The following CELSR1 variants were observed in gnomAD, a reference collection of about 807,000 sequenced individuals.
The protein encoded by CELSR1 is adhesion G protein-coupled receptor C1.
A neutral mutation model predicts 249.1 loss-of-function variants in CELSR1; 110 were observed. The ratio of observed to expected loss-of-function variants is 0.44; its 90% CI spans 0.38 to 0.52. The LOEUF is 0.52. Among genes scored for constraint, CELSR1 ranks in the 20% least tolerant of loss-of-function variants. The pLI is 0.00. For synonymous variants in CELSR1, 2,113 were observed against 1,900.0 expected (o/e 1.11, Z -2.92); for missense variants, 4,109 against 4,296.4 (o/e 0.96, Z 1.22).
In CELSR1 at chr22:46,383,960, A is replaced by AT. The variant is rs563923943; in HGVS notation, c.6883+582dup. On this transcript the variant is annotated intron_variant, in intron 20 of 34. Transcript: ENST00000674500. ...CTGAAATGCTTGGGAACATTTTGGA[A>AT]TTTTTTTTTTTTGAGACGGAGTCTT... Among the ~76,000 whole-genome samples, 882 of 147,608 alleles carry AT rather than the reference A, an allele frequency of 6.0e-3. 9 individuals are homozygous for AT. Among genetic ancestry groups the AT allele is most frequent in the African/African-American group, 0.018 (728 of 40,416 alleles).
In CELSR1 at chr22:46,464,253, T is replaced by G; in HGVS notation, c.3637A>C (p.Asn1213His). 6.2e-7 allele frequency: 1 copy of G among 1,613,650 alleles called. No individual in the cohort carries two copies. Among genetic ancestry groups the G allele is most frequent in the Non-Finnish European group, 8.5e-7 (1 of 1,180,002 alleles). The change falls in exon 2 of 35, where the codon AAC (asparagine) becomes CAC (histidine). Residue 1213 changes from asparagine (N) to histidine (H), a missense_variant. Transcript: ENST00000674500. This position sits in a 1 kb window ranked among gnomAD's most constrained non-coding sequence, Gnocchi z 8.5. Reference sequence around the variant, plus strand: ...GACAGGAACTTCTCCTGGGACATGTTCTCCAGGCGGACAGTGATGCTGTTG... The same window carrying G: ...GACAGGAACTTCTCCTGGGACATGTGCTCCAGGCGGACAGTGATGCTGTTG... ...LTNSITVRLENMSQEKFLSPL... is the reference protein window; with the variant it reads ...LTNSITVRLEHMSQEKFLSPL...
intron 22 of CELSR1, among the ~76,000 whole-genome samples, chr22:46,379,356 A>G (rs1018387922): frequency 6.0e-5 from 9 of 151,020 alleles, no homozygotes; most frequent in Admixed American, 3.3e-4. Context: ...GAAAAATCAC[A>G]TAACCTCTCA....
chr22:46,375,575 A>C (rs1169154363), intron 24 of CELSR1, among the ~76,000 whole-genome samples: 12 of 118,194 alleles, frequency 1.0e-4, no homozygotes, highest in Admixed American at 2.1e-4. Context: ...ACAGGGTCTC[A>C]CTCTATTGTC....
intron 1 of CELSR1, among the ~76,000 whole-genome samples, chr22:46,479,371 C>T (rs992874206): frequency 2.0e-5 from 3 of 152,102 alleles, no homozygotes; most frequent in Non-Finnish European, 4.4e-5. Context: ...AGAAAGGCTG[C>T]GGCAGCTGCC....
chr22:46,437,362 G>T lies in CELSR1; in HGVS notation c.4407-1073C>A, dbSNP rs144085447. On this transcript the variant is annotated intron_variant, in intron 3 of 34. Transcript: ENST00000674500. The surrounding 1 kb of genome is among the most constrained non-coding windows in gnomAD (Gnocchi z 4.9). Reference sequence around the variant, plus strand: ...CTCCACCATCAGAGATACACGGCAGGAACTCCTTTTAACCTAAGGTTGGTT... The same window carrying T: ...CTCCACCATCAGAGATACACGGCAGTAACTCCTTTTAACCTAAGGTTGGTT... Among the ~76,000 whole-genome samples, 42 of 152,340 alleles carry T rather than the reference G, an allele frequency of 2.8e-4. No individual in the cohort carries two copies. The highest frequency in any genetic ancestry group is 4.7e-4 in the Non-Finnish European group (32 of 68,036).
Position 46,396,893 on chromosome 22 carries a change from A to G in CELSR1, c.5702-147T>C. ...GAGGAAGAGTGCCACAGAGTCCCCG[A>G]AAACACAGCGTTAGGCGGGTTAGAC... On this transcript the variant is annotated intron_variant, in intron 12 of 34. Coordinates refer to ENST00000674500, the MANE Select transcript of CELSR1 (RefSeq NM_001378328.1). The surrounding 1 kb of genome is among the most constrained non-coding windows in gnomAD (Gnocchi z 6.4). The G allele has an allele frequency of 8.9e-7, 1 of 1,125,294 alleles. No individual in the cohort carries two copies. Among genetic ancestry groups the G allele is most frequent in the Non-Finnish European group, 1.3e-6 (1 of 792,924 alleles). 69.7% of individuals were successfully genotyped at this position (1,125,294 alleles called of 1,614,324 possible).
intron 5 of CELSR1, among the ~76,000 whole-genome samples, chr22:46,419,965 G>A (rs1040227651): frequency 4.7e-5 from 7 of 149,834 alleles, no homozygotes; most frequent in Middle Eastern, 3.5e-3. Context: ...CCACGCACAC[G>A]TGCACTCACC....
At chr22:46,531,940 T>C (rs2080796164) in intron 1 of CELSR1, among the ~76,000 whole-genome samples, 1 of 109,794 alleles carries the variant, frequency 9.1e-6, no homozygotes, top group Admixed American at 1.1e-4. Flanking sequence ...GCAGAGCCAA[T>C]AACTGGATGA....
rs924143952 is a variant in CELSR1 at position 46,447,322 on chromosome 22, T to C, written c.4184-7911A>G. On this transcript the variant is annotated intron_variant, in intron 2 of 34. Transcript: ENST00000674500. This position sits in a 1 kb window ranked among gnomAD's most constrained non-coding sequence, Gnocchi z 4.7. ...AGACACACTATTTTCATAAAATAAA[T>C]GTTCAGCTATGCTGACTATCAGGAT... 5.3e-5 allele frequency among the ~76,000 whole-genome samples: 8 copies of C among 152,214 alleles called. No individual in the cohort carries two copies. Among genetic ancestry groups the C allele is most frequent in the Non-Finnish European group, 1.2e-4 (8 of 68,038 alleles).
In CELSR1 at chr22:46,472,658, G is replaced by A. The variant is rs552838529; in HGVS notation, c.3545-8313C>T. On this transcript the variant is annotated intron_variant, in intron 1 of 34. Coordinates refer to ENST00000674500, the MANE Select transcript of CELSR1 (RefSeq NM_001378328.1). This position sits in a 1 kb window ranked among gnomAD's most constrained non-coding sequence, Gnocchi z 7.0. Reference sequence around the variant, plus strand: ...GGGGCCGTCGGAGCAAAGGGCCGCCGCTGCATCACCAATACAGGACATTCA... The same window carrying A: ...GGGGCCGTCGGAGCAAAGGGCCGCCACTGCATCACCAATACAGGACATTCA... Among the ~76,000 whole-genome samples, 4 of 152,318 alleles carry A rather than the reference G, an allele frequency of 2.6e-5. No individual in the cohort carries two copies. The highest frequency in any genetic ancestry group is 5.9e-5 in the Non-Finnish European group (4 of 68,028).
intron 25 of CELSR1, chr22:46,370,165 T>C (rs772101231): frequency 8.6e-6 from 4 of 465,738 alleles, no homozygotes; most frequent in African/African-American, 2.0e-5. Context: ...CTGGGCCATG[T>C]AGAGGTCAGG....
At chr22:46,481,137 A>T (rs576808150) in intron 1 of CELSR1, among the ~76,000 whole-genome samples, 42 of 152,182 alleles carry the variant, frequency 2.8e-4, no homozygotes, top group African/African-American at 8.9e-4. Flanking sequence ...CAGGAGGCTG[A>T]GGCAGAAAAA....
chr22:46,506,938 T>C lies in CELSR1; in HGVS notation c.3544+26689A>G, dbSNP rs1400847106. Among the ~76,000 whole-genome samples the C allele has an allele frequency of 6.6e-6, 1 of 152,176 alleles. No homozygotes were observed. Among genetic ancestry groups the C allele is most frequent in the African/African-American group, 2.4e-5 (1 of 41,438 alleles). ...CAGGCGGGGCGTGGTGGCTCACGTT[T>C]GTAATCCCAGCACTTTGGGAGGCCG... On this transcript the variant is annotated intron_variant, in intron 1 of 34. Coordinates refer to ENST00000674500, the MANE Select transcript of CELSR1 (RefSeq NM_001378328.1). The surrounding 1 kb of genome is among the most constrained non-coding windows in gnomAD (Gnocchi z 4.1).
rs150510873 is a variant in CELSR1 at position 46,463,747 on chromosome 22, G to A, written c.4143C>T (p.Arg1381=). 7.8e-6 allele frequency: 12 copies of A among 1,542,048 alleles called. No homozygotes were observed. The highest frequency in any genetic ancestry group is 4.1e-5 in the Admixed American group (2 of 49,340). Residue 1381 remains arginine (R), a synonymous_variant, in exon 2 of 35, where the codon CGC becomes CGT. Coordinates refer to ENST00000674500, the MANE Select transcript of CELSR1 (RefSeq NM_001378328.1). ...AGCACTCGCAGGTGTAGCCGCCCTCGCGGCTGCGGCAGCGGCCGTTGGCGC... is the reference window on the plus strand; with the variant it reads ...AGCACTCGCAGGTGTAGCCGCCCTCACGGCTGCGGCAGCGGCCGTTGGCGC... The part of the protein sequence containing the change: ...PCGANGRCRS[R]EGGYTCECFE...
chr22:46,456,638 G>A (rs1479987878), intron 2 of CELSR1, among the ~76,000 whole-genome samples: 1 of 138,562 alleles, frequency 7.2e-6, no homozygotes, highest in Non-Finnish European at 1.5e-5. Flanking sequence ...ACTTCAGCCT[G>A]GGCGACAGAG....
Position 46,436,394 on chromosome 22 carries a change from G to A in CELSR1, c.4407-105C>T, listed in dbSNP as rs926188156. ...GAGGAGGGCAAGCACGTGGGGCTAC[G>A]ATTCAGGAAAGAATGGTGTCAGGCA... On this transcript the variant is annotated intron_variant, in intron 3 of 34. Transcript: ENST00000674500. This position sits in a 1 kb window ranked among gnomAD's most constrained non-coding sequence, Gnocchi z 5.9. The A allele has an allele frequency of 1.0e-4, 72 of 719,906 alleles. No homozygotes were observed. The highest frequency in any genetic ancestry group is 1.4e-4 in the Non-Finnish European group (59 of 414,950). 44.6% of individuals were successfully genotyped at this position (719,906 alleles called of 1,614,324 possible).
chr22:46,382,526 T>A (rs969889289), intron 20 of CELSR1, among the ~76,000 whole-genome samples: 3 of 152,136 alleles, frequency 2.0e-5, no homozygotes, highest in Non-Finnish European at 4.4e-5. Context: ...TCCGCCCGCC[T>A]CGGCCTCCCA....
At chr22:46,379,281 C>T (rs1178157511) in intron 22 of CELSR1, among the ~76,000 whole-genome samples, 1 of 152,162 alleles carries the variant, frequency 6.6e-6, no homozygotes, top group Non-Finnish European at 1.5e-5. Flanking sequence ...TGGGAAGCCC[C>T]AAATAACAAG....
intron 5 of CELSR1, among the ~76,000 whole-genome samples, chr22:46,424,559 G>A (rs887495371): frequency 2.6e-5 from 4 of 152,036 alleles, no homozygotes; most frequent in East Asian, 1.9e-4. Flanking sequence ...CAGACAGAAC[G>A]TTCCATCACT....
Sources: allele counts gnomAD v4.1 joint callset (sites outside exome capture counted in the v4.1 genomes callset), GRCh38; gene constraint gnomAD v4.1.1; non-coding constraint Gnocchi (gnomAD v3.1); transcripts MANE v1.5; gene names NCBI Gene and HGNC (gene_info 2026-07-23, HGNC 2026-07-21).